PCDHGC4: variants seen among roughly 807,000 people sequenced by gnomAD.
PCDHGC4 encodes the protein protocadherin gamma subfamily C, 4, also known as protocadherin gamma-C4.
In PCDHGC4, 15 loss-of-function variants were observed where a neutral mutation model predicts 59.7. That is an observed-to-expected ratio of 0.25 (90% CI 0.17 to 0.39). The LOEUF (loss-of-function observed/expected upper bound fraction) is 0.39. Ranked by LOEUF, PCDHGC4 falls within the 10% of genes least tolerant of loss-of-function variation. PCDHGC4 has a pLI of 1.00. For missense variants in PCDHGC4, 1,016 were observed against 1,189.5 expected, an observed-to-expected ratio of 0.85 and a Z score of 2.15; for synonymous variants, 434 against 481.4, an observed-to-expected ratio of 0.90 and a Z score of 1.29.
In PCDHGC4 at chr5:141,505,419, C is replaced by T; in HGVS notation, c.2528C>T (p.Thr843Ile). 3 of 1,614,258 alleles carry T rather than the reference C, an allele frequency of 1.9e-6. No homozygotes were observed. Among genetic ancestry groups the T allele is most frequent in the Non-Finnish European group, 2.5e-6 (3 of 1,180,054 alleles). Residue 843 changes from threonine to isoleucine, a missense_variant, in exon 3 of 4, where the codon ACC becomes ATC. By Grantham distance (89) the Thr-to-Ile change is moderately conservative. Transcript: ENST00000306593. The part of the protein sequence containing the change: ...SGSQNGDDTG[T>I]WPNNQFDTEM... ...TCCCAAAATGGCGATGACACCGGCA[C>T]CTGGCCCAACAACCAGTTTGACACA...
intron 3 of PCDHGC4, among the ~76,000 whole-genome samples, chr5:141,506,146 T>C (rs1014881418): frequency 6.6e-6 from 1 of 152,086 alleles, no homozygotes; most frequent in African/African-American, 2.4e-5. Context: ...AAGAATATCA[T>C]TTGTCCTTAA....
At position 141,511,575 on chromosome 5, in the gene PCDHGC4, T is replaced by C. The variant is rs930675653; in HGVS notation, c.*402T>C. On this transcript the variant is annotated 3_prime_UTR_variant, in exon 4 of 4. Transcript: ENST00000306593. ...AGTTCCTCTTTCCCGAGTAAGGTGG[T>C]TGGGGTGTTGAAGTACCAAGTAACC... 28 of 287,258 alleles carry C rather than the reference T, an allele frequency of 9.7e-5. No individual in the cohort carries two copies. Among genetic ancestry groups the C allele is most frequent in the Middle Eastern group, 1.3e-3 (1 of 784 alleles). The allele number at this position is 287,258 out of a possible 1,614,324, so 17.8% of individuals were successfully genotyped here.
rs1335023784 is a variant in PCDHGC4 at position 141,490,877 on chromosome 5, C to CCAA, written c.2442+3265_2442+3267dup. 2.5e-6 allele frequency: 4 copies of CCAA among 1,613,762 alleles called. No homozygotes were observed. Among genetic ancestry groups the CCAA allele is most frequent in the Non-Finnish European group, 3.4e-6 (4 of 1,179,908 alleles). On this transcript the variant is annotated intron_variant, in intron 1 of 3. Transcript: ENST00000306593. This position sits in a 1 kb window ranked among gnomAD's most constrained non-coding sequence, Gnocchi z 5.4. ...GACTCCGGCTCTCCCCCATTGCATG[C>CCAA]CAACACATCTCTGCATGTGTTTGTC...
Position 141,511,349 on chromosome 5 carries a change from C to T in PCDHGC4, c.*176C>T, listed in dbSNP as rs1463242262. The T allele has an allele frequency of 2.1e-6, 3 of 1,401,380 alleles. No homozygotes were observed. The highest frequency in any genetic ancestry group is 2.9e-5 in the African/African-American group (2 of 68,826). 86.8% of individuals were successfully genotyped at this position (1,401,380 alleles called of 1,614,324 possible). The stretch of plus-strand genomic sequence containing the variant: ...GCCCAGTCAGCACCTACCCCTTCCC[C>T]CCCAGGGGGTTGAATATGCAAAAGC... On this transcript the variant is annotated 3_prime_UTR_variant, in exon 4 of 4. Transcript: ENST00000306593.
intron 2 of PCDHGC4, among the ~76,000 whole-genome samples, chr5:141,496,206 A>C (rs2099766963): frequency 6.6e-6 from 1 of 152,126 alleles, no homozygotes; most frequent in South Asian, 2.1e-4. Context: ...TCAATCTGGT[A>C]TGAATTCCTG....
At chr5:141,497,018 A>G (rs988584487) in intron 2 of PCDHGC4, among the ~76,000 whole-genome samples, 1 of 152,084 alleles carries the variant, frequency 6.6e-6, no homozygotes, top group Non-Finnish European at 1.5e-5. Flanking sequence ...GTGAAACCCC[A>G]TCTCGATTAA....
chr5:141,504,206 A>C (rs1209911822), intron 2 of PCDHGC4, among the ~76,000 whole-genome samples: 1 of 152,218 alleles, frequency 6.6e-6, no homozygotes, highest in East Asian at 1.9e-4. Context: ...CTGTGGGAAA[A>C]TTCCAAGTAG....
chr5:141,489,913 A>G lies in PCDHGC4; in HGVS notation c.2442+2298A>G. 1 of 1,614,208 alleles carries G rather than the reference A, an allele frequency of 6.2e-7. No homozygotes were observed. Among genetic ancestry groups the G allele is most frequent in the Non-Finnish European group, 8.5e-7 (1 of 1,180,044 alleles). Reference sequence around the variant, plus strand: ...TGGGGGGACCCCAGCCCGCTCAGGGACCACCCTTATCTCTGTCATCGTGCT... The same window carrying G: ...TGGGGGGACCCCAGCCCGCTCAGGGGCCACCCTTATCTCTGTCATCGTGCT... On this transcript the variant is annotated intron_variant, in intron 1 of 3. Transcript: ENST00000306593. The surrounding 1 kb of genome is among the most constrained non-coding windows in gnomAD (Gnocchi z 4.5).
In PCDHGC4 at chr5:141,500,527, A is replaced by C. The variant is rs937551961; in HGVS notation, c.2502-4866A>C. On this transcript the variant is annotated intron_variant, in intron 2 of 3. Transcript: ENST00000306593. ...CCTGGCCGAGCTTCATTTTAAAAAA[A>C]TCTCATTCACCTAAATAAGTTGTTC... is the stretch of plus-strand genomic sequence containing the variant. 5.9e-5 allele frequency among the ~76,000 whole-genome samples: 9 copies of C among 152,298 alleles called. No individual in the cohort carries two copies. The South Asian group carries it at 6.2e-4, about 11-fold the overall frequency.
rs2099629299 is a variant in PCDHGC4, at chr5:141,486,426, A to G, written c.1253A>G (p.Lys418Arg). ...GCTGGACCCTTGGATCGAGAGGCCA[A>G]ATCTAGCTATGACATCATGGTCACT... Reference protein sequence around the residue: ...VTAGPLDREAKSSYDIMVTAS... With the variant: ...VTAGPLDREARSSYDIMVTAS... The change falls in exon 1 of 4, where the codon AAA becomes AGA. Residue 418 changes from lysine (K) to arginine (R), a missense_variant. By Grantham distance (26) the Lys-to-Arg change is conservative. Transcript: ENST00000306593. The surrounding 1 kb of genome is among the most constrained non-coding windows in gnomAD (Gnocchi z 5.0). 1.9e-6 allele frequency: 3 copies of G among 1,614,190 alleles called. No individual in the cohort carries two copies. Among genetic ancestry groups the G allele is most frequent in the Non-Finnish European group, 2.5e-6 (3 of 1,180,026 alleles).
rs1390739125 is a variant in PCDHGC4 at position 141,490,094 on chromosome 5, C to T, written c.2442+2479C>T. ...CTAGACTATTCTTTTGGAGACCACA[C>T]ATCTGAGGCAGTGCGGAACCTCTTT... On this transcript the variant is annotated intron_variant, in intron 1 of 3. Coordinates refer to ENST00000306593, the MANE Select transcript of PCDHGC4 (RefSeq NM_018928.3). This position sits in a 1 kb window ranked among gnomAD's most constrained non-coding sequence, Gnocchi z 5.4. 1 of 1,614,250 alleles carries T rather than the reference C, an allele frequency of 6.2e-7. No individual in the cohort carries two copies. The highest frequency in any genetic ancestry group is 2.2e-5 in the East Asian group (1 of 44,888).
intron 1 of PCDHGC4, 96 bp from the exon 2 acceptor site, chr5:141,494,711 A>G (rs757105958): frequency 6.3e-7 from 1 of 1,599,616 alleles, no homozygotes; most frequent in Non-Finnish European, 8.5e-7. Flanking sequence ...CTCTGTGCCC[A>G]CTCCCCTCCT....
In PCDHGC4 at chr5:141,512,848, G is replaced by C. The variant is rs1362051688; in HGVS notation, c.*1675G>C. The C allele has an allele frequency of 6.6e-6, 1 of 152,216 alleles. No individual in the cohort carries two copies. 9.4% of individuals were successfully genotyped at this position (152,216 alleles called of 1,614,324 possible). ...CCCCGTACTGACTTCTCCTATAAGC[G>C]CTTCTCTTCGCATAGTCACGTAGCT... On this transcript the variant is annotated 3_prime_UTR_variant, in exon 4 of 4. Transcript: ENST00000306593.
chr5:141,512,656 C>G lies in PCDHGC4; in HGVS notation c.*1483C>G, dbSNP rs1262748947. ...CCCTTACAGTAGTGTAGCGCCCCCT[C>G]CCTCTTTCGGCTGGTGTAGAATAGC... On this transcript the variant is annotated 3_prime_UTR_variant, in exon 4 of 4. Coordinates refer to ENST00000306593, the MANE Select transcript of PCDHGC4 (RefSeq NM_018928.3). 1 of 152,508 alleles carries G rather than the reference C, an allele frequency of 6.6e-6. No homozygotes were observed. The highest frequency in any genetic ancestry group is 1.5e-5 in the Non-Finnish European group (1 of 68,228). The allele number at this position is 152,508 out of a possible 1,614,324, so 9.4% of individuals were successfully genotyped here.
At chr5:141,508,896 C>A (rs1171693212) in intron 3 of PCDHGC4, among the ~76,000 whole-genome samples, 1 of 151,862 alleles carries the variant, frequency 6.6e-6, no homozygotes, top group Non-Finnish European at 1.5e-5. Context: ...GGGGAGGGGG[C>A]GGGGCGGTGG....
Position 141,487,535 on chromosome 5 carries a change from G to A in PCDHGC4, c.2362G>A (p.Val788Met). 6.2e-7 allele frequency: 1 copy of A among 1,614,154 alleles called. No individual in the cohort carries two copies. Among genetic ancestry groups the A allele is most frequent in the South Asian group, 1.1e-5 (1 of 91,084 alleles). ...APTRSDSFMM[V>M]KSPSAPMAGE... ...CACTCGGAGTGATAGCTTCATGATG[G>A]TGAAGTCACCCAGTGCACCTATGGC... Residue 788 changes from valine to methionine, a missense_variant, in exon 1 of 4, where the codon GTG becomes ATG. Transcript: ENST00000306593. This position sits in a 1 kb window ranked among gnomAD's most constrained non-coding sequence, Gnocchi z 5.0.
intron 2 of PCDHGC4, 105 bp downstream of exon 2, chr5:141,494,970 C>T (rs1352514628): frequency 1.9e-6 from 3 of 1,584,974 alleles, no homozygotes; most frequent in East Asian, 4.6e-5. Context: ...GATGGCTTCT[C>T]CCTCAGTTTG....
At position 141,487,796 on chromosome 5, in the gene PCDHGC4, T is replaced by C. The variant is rs766798983; in HGVS notation, c.2442+181T>C. ...TAACTGTTTCGTGAATTAACCAGAG[T>C]TGTCACAGTTTAGCATTGGGGGCGG... On this transcript the variant is annotated intron_variant, in intron 1 of 3. Coordinates refer to ENST00000306593, the MANE Select transcript of PCDHGC4 (RefSeq NM_018928.3). The surrounding 1 kb of genome is among the most constrained non-coding windows in gnomAD (Gnocchi z 5.0). 15 of 1,498,660 alleles carry C rather than the reference T, an allele frequency of 1.0e-5. No homozygotes were observed. The highest frequency in any genetic ancestry group is 1.4e-5 in the Non-Finnish European group (15 of 1,110,900). 92.8% of individuals were successfully genotyped at this position (1,498,660 alleles called of 1,614,324 possible). A position where few individuals can be genotyped will look rare whatever the true frequency, so the allele number is the denominator to read the frequency against.
Position 141,489,712 on chromosome 5 carries a change from C to G in PCDHGC4, c.2442+2097C>G. On this transcript the variant is annotated intron_variant, in intron 1 of 3. Transcript: ENST00000306593. The surrounding 1 kb of genome is among the most constrained non-coding windows in gnomAD (Gnocchi z 4.5). ...GGCACGATTCCCACTGGACAGTGCC[C>G]AGGATCCGGATGTGGGCACCAATAC... The G allele has an allele frequency of 6.2e-7, 1 of 1,614,162 alleles. No individual in the cohort carries two copies. Among genetic ancestry groups the G allele is most frequent in the South Asian group, 1.1e-5 (1 of 91,078 alleles).
Sources: gnomAD v4.1 joint callset for allele counts (sites outside exome capture counted in the v4.1 genomes callset) on GRCh38, gnomAD v4.1.1 for gene constraint, Gnocchi (gnomAD v3.1) non-coding constraint, MANE v1.5 for transcripts, NCBI Gene and HGNC (gene_info 2026-07-23, HGNC 2026-07-21) for gene names.